Variants in RBFOX1 observed in about 807,000 individuals in gnomAD.
The protein encoded by RBFOX1 is RNA binding fox-1 homolog 1, also known as RNA binding protein fox-1 homolog 1.
Under a neutral mutation model 57.7 loss-of-function variants are expected in RBFOX1, and 8 were observed. That is an observed-to-expected ratio of 0.14 (90% CI 0.08 to 0.25). The LOEUF (loss-of-function observed/expected upper bound fraction) is 0.25. Ranked by LOEUF, RBFOX1 falls within the 10% of genes least tolerant of loss-of-function variation. The probability of loss-of-function intolerance (pLI) is 1.00; values close to 1 mark genes in which losing one functional copy is unlikely to be tolerated. For synonymous variants in RBFOX1, 326 were observed against 222.4 expected, an observed-to-expected ratio of 1.47 and a Z score of -4.15; for missense variants, 611 against 548.5, an observed-to-expected ratio of 1.11 and a Z score of -1.14.
intron 2 of RBFOX1, among the ~76,000 whole-genome samples, chr16:5,598,233 A>T (rs11648604): frequency 0.11 from 16,992 of 151,810 alleles, 1,176 homozygotes; most frequent in East Asian, 0.32. Context: ...CAAAAAAAAA[A>T]AAATAAATAA....
chr16:6,479,178 C>G (rs551374501), intron 2 of RBFOX1, among the ~76,000 whole-genome samples: 1 of 152,256 alleles, frequency 6.6e-6, no homozygotes. Flanking sequence ...AAAGACATAC[C>G]TGAGACTGCG....
intron 4 of RBFOX1, among the ~76,000 whole-genome samples, chr16:7,233,867 C>A (rs1254695019): frequency 6.6e-6 from 1 of 152,202 alleles, no homozygotes; most frequent in African/African-American, 2.4e-5. Context: ...TTCTGCCGAT[C>A]TTAGCCAAAA....
chr16:7,393,135 A>C (rs767265292), intron 4 of RBFOX1, among the ~76,000 whole-genome samples: 1 of 152,086 alleles, frequency 6.6e-6, no homozygotes, highest in Non-Finnish European at 1.5e-5. Flanking sequence ...CAGCCTCCTA[A>C]AGTGGTGGGA....
downstream of RBFOX1, among the ~76,000 whole-genome samples, chr16:5,604,807 G>A (rs1403668847): frequency 6.6e-6 from 1 of 152,112 alleles, no homozygotes; most frequent in Non-Finnish European, 1.5e-5. Flanking sequence ...CCGGGAACCA[G>A]ACCACTTCAG....
At chr16:7,523,235 C>T (rs1296852472) in intron 5 of RBFOX1, among the ~76,000 whole-genome samples, 1 of 152,156 alleles carries the variant, frequency 6.6e-6, no homozygotes, top group Non-Finnish European at 1.5e-5. Context: ...CTCCATTTAC[C>T]TACACATGGG....
intron 2 of RBFOX1, among the ~76,000 whole-genome samples, chr16:5,475,225 T>G (rs766630998): frequency 3.3e-5 from 5 of 152,264 alleles, no homozygotes; most frequent in Non-Finnish European, 7.3e-5. Flanking sequence ...CTTTTCTTGC[T>G]GCTTCATTTG....
intron 1 of RBFOX1, among the ~76,000 whole-genome samples, chr16:6,036,767 G>C (rs372409367): frequency 3.5e-4 from 54 of 152,334 alleles, no homozygotes; most frequent in South Asian, 1.7e-3. Flanking sequence ...TCAAGGGCTT[G>C]AAATTGCATT....
Position 6,778,089 on chromosome 16 carries a change from T to G in RBFOX1, c.-16+123439T>G, listed in dbSNP as rs115781280. ...AACGGAATAACAAATAGATTGAAAG[T>G]GGGATGCACTGTTGCGAATACATGA... On this transcript the variant is annotated intron_variant, in intron 3 of 15. Coordinates refer to ENST00000550418, the MANE Select transcript of RBFOX1 (RefSeq NM_018723.4). Among the ~76,000 whole-genome samples the G allele has an allele frequency of 6.3e-3, 954 of 152,210 alleles. 15 individuals are homozygous for G. Among genetic ancestry groups the G allele is most frequent in the African/African-American group, 0.022 (918 of 41,542 alleles).
At chr16:6,903,130 A>G (rs1383711366) in intron 3 of RBFOX1, among the ~76,000 whole-genome samples, 4 of 152,218 alleles carry the variant, frequency 2.6e-5, no homozygotes, top group African/African-American at 4.8e-5. Context: ...TGAAGCCATC[A>G]TAAGTGACTT....
At chr16:6,606,170 A>T (rs1030300081) in intron 2 of RBFOX1, among the ~76,000 whole-genome samples, 1 of 152,128 alleles carries the variant, frequency 6.6e-6, no homozygotes, top group Non-Finnish European at 1.5e-5. Flanking sequence ...GTAACATGCA[A>T]GTGTTGTGGG....
At chr16:5,418,986 C>T (rs796122495) in intron 1 of RBFOX1, among the ~76,000 whole-genome samples, 18 of 152,208 alleles carry the variant, frequency 1.2e-4, no homozygotes, top group South Asian at 2.1e-4. Flanking sequence ...TGGATTGGGG[C>T]GCTGAGGGCC....
intron 1 of RBFOX1, among the ~76,000 whole-genome samples, chr16:5,372,606 G>A (rs537633939): frequency 1.3e-5 from 2 of 152,184 alleles, no homozygotes; most frequent in Non-Finnish European, 2.9e-5. Context: ...CCTGTGGGGA[G>A]CAGGGCTCAG....
chr16:7,398,998 A>G (rs1407844312), intron 4 of RBFOX1, among the ~76,000 whole-genome samples: 1 of 152,228 alleles, frequency 6.6e-6, no homozygotes, highest in African/African-American at 2.4e-5. Context: ...CAACGGAAAT[A>G]GTAGACACTA....
intron 2 of RBFOX1, among the ~76,000 whole-genome samples, chr16:6,435,525 A>G (rs1417626737): frequency 6.6e-6 from 1 of 151,966 alleles, no homozygotes; most frequent in Non-Finnish European, 1.5e-5. Flanking sequence ...GCTCGCCTTG[A>G]ACTCCTTACC....
intron 4 of RBFOX1, among the ~76,000 whole-genome samples, chr16:7,184,686 C>G (rs2083377633): frequency 6.6e-6 from 1 of 152,052 alleles, no homozygotes; most frequent in Non-Finnish European, 1.5e-5. Flanking sequence ...ACCCCCAAAC[C>G]TGATTATGAG....
chr16:6,829,042 C>G (rs1021742298), intron 3 of RBFOX1, among the ~76,000 whole-genome samples: 5 of 152,026 alleles, frequency 3.3e-5, no homozygotes, highest in Non-Finnish European at 2.9e-5. Context: ...GAGACGGTGT[C>G]AAGAGCCTGG....
intron 4 of RBFOX1, among the ~76,000 whole-genome samples, chr16:5,939,709 A>T (rs1597874077): frequency 6.6e-6 from 1 of 152,336 alleles, no homozygotes; most frequent in Non-Finnish European, 1.5e-5. Context: ...TTTAAAAAAA[A>T]AAGTGTCAGC....
At chr16:6,507,507 CAAAAAAAAA>C (rs57685233) in intron 2 of RBFOX1, among the ~76,000 whole-genome samples, 6 of 97,208 alleles carry the variant, frequency 6.2e-5, no homozygotes, top group Admixed American at 1.3e-4. Flanking sequence ...CCTATCTGTA[CAAAAAAAAA>C]AAAAAAAAAG....
At chr16:7,426,575 A>T (rs1209093928) in intron 4 of RBFOX1, among the ~76,000 whole-genome samples, 1 of 152,196 alleles carries the variant, frequency 6.6e-6, no homozygotes, top group Admixed American at 6.5e-5. Flanking sequence ...CAAACCAAAT[A>T]GATGCGCCAA....
Sources: gnomAD v4.1 joint callset for allele counts (sites outside exome capture counted in the v4.1 genomes callset) on GRCh38, gnomAD v4.1.1 for gene constraint, MANE v1.5 for transcripts, NCBI Gene and HGNC (gene_info 2026-07-23, HGNC 2026-07-21) for gene names.